ANO5: variants seen among roughly 807,000 people sequenced by gnomAD.
ANO5 encodes anoctamin-5.
Under a neutral mutation model 121.0 loss-of-function variants are expected in ANO5, and 109 were observed. The observed-to-expected ratio is 0.90, with a 90% CI of 0.77 to 1.06. ANO5 has a LOEUF of 1.06. Among genes scored for constraint, ANO5 ranks in the 50% least tolerant of loss-of-function variants. The probability of loss-of-function intolerance (pLI) is 0.00; values close to 1 mark genes in which losing one functional copy is unlikely to be tolerated. For synonymous variants in ANO5, 406 were observed against 359.9 expected, an observed-to-expected ratio of 1.13 and a Z score of -1.45; for missense variants, 1,064 against 1,078.5, an observed-to-expected ratio of 0.99 and a Z score of 0.19.
At chr11:22,257,313 A>T (rs1038795002) in intron 13 of ANO5, among the ~76,000 whole-genome samples, 9 of 152,218 alleles carry the variant, frequency 5.9e-5, no homozygotes, top group Non-Finnish European at 1.0e-4. Context: ...ATGTAATTCA[A>T]TTCAATTAGA....
At chr11:22,216,011 ATAT>A (rs1381048892) in intron 3 of ANO5, among the ~76,000 whole-genome samples, 1 of 151,866 alleles carries the variant, frequency 6.6e-6, no homozygotes, top group East Asian at 1.9e-4. Flanking sequence ...TGTACTAGAG[ATAT>A]TATTGTTTAT....
In ANO5 at chr11:22,276,177, T is replaced by G. The variant is rs142073798; in HGVS notation, c.2498T>G (p.Met833Arg). The G allele has an allele frequency of 1.2e-6, 2 of 1,610,770 alleles. No individual in the cohort carries two copies. Among genetic ancestry groups the G allele is most frequent in the East Asian group, 4.5e-5 (2 of 44,748 alleles). Residue 833 changes from methionine (M) to arginine (R), a missense_variant, in exon 21 of 22, where the codon ATG (methionine) becomes AGG (arginine). Coordinates refer to ENST00000324559, the MANE Select transcript of ANO5 (RefSeq NM_213599.3). ...MQFWHVLAAK[M>R]TFIIVMEHVV... is the part of the protein sequence containing the mutation. ...TTCTGGCATGTCCTTGCTGCCAAGATGACCTTCATCATTGTTATGGAAGTA... is the reference window on the plus strand; with the variant it reads ...TTCTGGCATGTCCTTGCTGCCAAGAGGACCTTCATCATTGTTATGGAAGTA...
intron 19 of ANO5, 143 bp downstream of exon 19, chr11:22,273,132 C>A: frequency 1.1e-6 from 1 of 871,890 alleles, no homozygotes; most frequent in Non-Finnish European, 1.8e-6. Flanking sequence ...TATGCGCTAA[C>A]CAATATAGAA....
At chr11:22,192,903 G>A (rs564410862), upstream of ANO5, 97 of 876,840 alleles carry the variant, frequency 1.1e-4, 1 homozygote, top group South Asian at 4.9e-3. Flanking sequence ...GCAGAGCAGG[G>A]ACCTGGGGAC....
At chr11:22,274,151 C>CTGTT (rs1854740474) in intron 19 of ANO5, among the ~76,000 whole-genome samples, 1 of 147,850 alleles carries the variant, frequency 6.8e-6, no homozygotes, top group Admixed American at 6.9e-5. Flanking sequence ...CATTCCTTTC[C>CTGTT]TGTTAATCTC....
intron 1 of ANO5, among the ~76,000 whole-genome samples, chr11:22,202,461 AT>A (rs34892286): frequency 0.75 from 113,822 of 151,916 alleles, 42,989 homozygotes; most frequent in South Asian, 0.81. Flanking sequence ...GATTTTTTAA[AT>A]TTTTTTTTGA....
At chr11:22,262,101 C>T in intron 15 of ANO5, 28 bp from the exon 16 acceptor site, 1 of 1,609,000 alleles carries the variant, frequency 6.2e-7, no homozygotes. Context: ...TAAGAAGATG[C>T]ACTAAACATT....
In ANO5 at chr11:22,281,035, CA is replaced by C. The variant is rs879048833; in HGVS notation, c.*1275del. On this transcript the variant is annotated 3_prime_UTR_variant, in exon 22 of 22. Transcript: ENST00000324559. ...CAAATTTAGGCTTGTGTTACATGCA[CA>C]AAAATCCTTGTTCTGTTTTCACTTA... The C allele has an allele frequency of 1.3e-5, 2 of 151,894 alleles. No individual in the cohort carries two copies. The highest frequency in any genetic ancestry group is 4.2e-4 in the South Asian group (2 of 4,816). The allele number at this position is 151,894 out of a possible 1,614,324, so 9.4% of individuals were successfully genotyped here.
chr11:22,240,667 A>G (rs1853399048), intron 9 of ANO5, among the ~76,000 whole-genome samples: 1 of 152,100 alleles, frequency 6.6e-6, no homozygotes, highest in African/African-American at 2.4e-5. Flanking sequence ...AATATTTATC[A>G]AAAACATTTC....
rs758277996 is a variant in ANO5, at chr11:22,227,283, T to G, written c.364-19T>G. 1.2e-6 allele frequency: 2 copies of G among 1,603,680 alleles called. No individual in the cohort carries two copies. The highest frequency in any genetic ancestry group is 2.2e-5 in the South Asian group (2 of 90,974). ...CTGATCAGTAAGCTTTCTGCTGTTT[T>G]GCCTTTTTTTTAATGCAGGACTCGG... is the stretch of plus-strand genomic sequence containing the variant. On this transcript the variant is annotated intron_variant, in intron 6 of 21. Transcript: ENST00000324559.
chr11:22,236,116 C>T (rs772521383), intron 7 of ANO5, 47 bp from the exon 8 acceptor site: 2 of 1,224,364 alleles, frequency 1.6e-6, no homozygotes, highest in African/African-American at 1.5e-5. Flanking sequence ...ATGTGGAAAG[C>T]ATAAAGTTCT....
intron 15 of ANO5, among the ~76,000 whole-genome samples, chr11:22,260,264 G>C (rs1206106815): frequency 6.6e-6 from 1 of 152,110 alleles, no homozygotes; most frequent in South Asian, 2.1e-4. Context: ...AAGTGAAAGG[G>C]GTCACAGGTT....
chr11:22,273,553 C>T (rs557632317), intron 19 of ANO5, among the ~76,000 whole-genome samples: 1 of 152,158 alleles, frequency 6.6e-6, no homozygotes, highest in Non-Finnish European at 1.5e-5. Context: ...GCCAAAACCA[C>T]TATTACAGAT....
rs561719071 is a variant in ANO5, at chr11:22,250,950, G to A, written c.1120-1G>A. 2.5e-6 allele frequency: 4 copies of A among 1,612,340 alleles called. No homozygotes were observed. In the East Asian group the frequency reaches 6.7e-5, roughly 27 times the overall value. On this transcript the variant is annotated splice_acceptor_variant, in intron 11 of 21. Coordinates refer to ENST00000324559, the MANE Select transcript of ANO5 (RefSeq NM_213599.3). LOFTEE classifies it high-confidence loss of function. ...TGATATTGTTATTGTTATTTTTACA[G>A]TTCTCCCATTTGTTTGATAATGAGT...
chr11:22,272,302 GCA>G (rs60487083), intron 18 of ANO5, among the ~76,000 whole-genome samples: 21,180 of 134,264 alleles, frequency 0.16, 1,839 homozygotes, highest in Non-Finnish European at 0.21. Flanking sequence ...TCCTTTTCCG[GCA>G]CACACACACA....
Position 22,281,362 on chromosome 11 carries a change from T to A in ANO5, c.*1597T>A, listed in dbSNP as rs1855070089. On this transcript the variant is annotated 3_prime_UTR_variant, in exon 22 of 22. Coordinates refer to ENST00000324559, the MANE Select transcript of ANO5 (RefSeq NM_213599.3). Reference sequence around the variant, plus strand: ...CATACAGAACTGGGGATTATGGATTTTATAAACTATGAGACAGTCACCCCA... The same window carrying A: ...CATACAGAACTGGGGATTATGGATTATATAAACTATGAGACAGTCACCCCA... 1 of 152,056 alleles carries A rather than the reference T, an allele frequency of 6.6e-6. No individual in the cohort carries two copies. Among genetic ancestry groups the A allele is most frequent in the Non-Finnish European group, 1.5e-5 (1 of 67,914 alleles). 9.4% of individuals were successfully genotyped at this position (152,056 alleles called of 1,614,324 possible).
chr11:22,209,058 G>T (rs981213204), intron 2 of ANO5, among the ~76,000 whole-genome samples: 1 of 151,940 alleles, frequency 6.6e-6, no homozygotes, highest in Non-Finnish European at 1.5e-5. Context: ...TAGATATGAT[G>T]AATGTTTTTA....
chr11:22,225,893 G>C, intron 5 of ANO5, 91 bp from the exon 6 acceptor site: 1 of 956,838 alleles, frequency 1.0e-6, no homozygotes, highest in Non-Finnish European at 1.7e-6. Flanking sequence ...GAGCCATCCA[G>C]AGTCACAGCC....
chr11:22,238,715 AATTTT>A (rs543417675), intron 8 of ANO5, among the ~76,000 whole-genome samples: 190 of 152,066 alleles, frequency 1.2e-3, no homozygotes, highest in African/African-American at 4.3e-3. Context: ...ACACGTGCTA[AATTTT>A]ATTTTATTTA....
Sources: allele counts gnomAD v4.1 joint callset (sites outside exome capture counted in the v4.1 genomes callset), GRCh38; gene constraint gnomAD v4.1.1; transcripts MANE v1.5; gene names NCBI Gene and HGNC (gene_info 2026-07-23, HGNC 2026-07-21).